Variants in FGF13 observed in about 807,000 individuals in gnomAD.
FGF13 encodes the protein fibroblast growth factor 13, also known as fibroblast growth factor homologous factor 2.
Under a neutral mutation model 19.5 loss-of-function variants are expected in FGF13, and 2 were observed. The ratio of observed to expected loss-of-function variants is 0.10; its 90% CI spans 0.04 to 0.32. The LOEUF (loss-of-function observed/expected upper bound fraction) is 0.32, where lower values mean the gene tolerates loss of function less well. Ranked by LOEUF, FGF13 falls within the 10% of genes least tolerant of loss-of-function variation. The pLI is 1.00. For synonymous variants in FGF13, 72 were observed against 76.9 expected (o/e 0.94, Z 0.33); for missense variants, 113 against 192.7 (o/e 0.59, Z 2.45).
chrX:138,872,502 C>A (rs980797516), intron 1 of FGF13, among the ~76,000 whole-genome samples: 5 of 112,067 alleles, frequency 4.5e-5, no homozygotes, highest in African/African-American at 1.6e-4. Flanking sequence ...ATTCTTGTTT[C>A]TGTCCTCTAG....
At chrX:138,988,687 T>C (rs1336194109) in intron 1 of FGF13, among the ~76,000 whole-genome samples, 1 of 111,896 alleles carries the variant, frequency 8.9e-6, no homozygotes, top group Non-Finnish European at 1.9e-5. Context: ...ACAAACATCA[T>C]TTACTACTTA....
intron 3 of FGF13, chrX:138,806,758 C>G (rs960367029): frequency 4.5e-5 from 5 of 110,822 alleles, no homozygotes; most frequent in African/African-American, 1.3e-4. Context: ...TGAAGTTCAT[C>G]AAATACCAGC....
chrX:138,824,038 G>T (rs768751368), intron 3 of FGF13, among the ~76,000 whole-genome samples: 1 of 112,050 alleles, frequency 8.9e-6, no homozygotes. Flanking sequence ...AAGTGAGAAG[G>T]AAGAAGCTAG....
At chrX:138,837,286 G>A (rs2091119695) in intron 3 of FGF13, among the ~76,000 whole-genome samples, 1 of 111,668 alleles carries the variant, frequency 9.0e-6, no homozygotes, top group African/African-American at 3.3e-5. Flanking sequence ...GTTTTCCTAA[G>A]AGCAAAGATG....
intron 3 of FGF13, among the ~76,000 whole-genome samples, chrX:138,817,493 A>T (rs1183718509): frequency 8.9e-6 from 1 of 112,302 alleles, no homozygotes; most frequent in Non-Finnish European, 1.9e-5. Context: ...ATAAATTGGC[A>T]GGCTAAACTT....
chrX:139,152,782 C>G (rs184169660), intron 1 of FGF13, among the ~76,000 whole-genome samples: 2 of 111,019 alleles, frequency 1.8e-5, no homozygotes, highest in African/African-American at 6.6e-5. Context: ...GTGTTTCTCT[C>G]TCTCTCACCG....
At chrX:139,164,461 G>A (rs1265046547) in intron 1 of FGF13, among the ~76,000 whole-genome samples, 1 of 110,950 alleles carries the variant, frequency 9.0e-6, no homozygotes, top group Non-Finnish European at 1.9e-5. Flanking sequence ...TAGAGCCCAG[G>A]CGGGTGGATC....
chrX:138,873,139 C>A (rs763629263), intron 1 of FGF13, among the ~76,000 whole-genome samples: 13 of 111,597 alleles, frequency 1.2e-4, no homozygotes, highest in African/African-American at 4.2e-4. Context: ...AGCCTAAATC[C>A]TCTACAAAAC....
chrX:138,917,501 T>C (rs1358498413), intron 1 of FGF13, among the ~76,000 whole-genome samples: 1 of 111,719 alleles, frequency 9.0e-6, no homozygotes, highest in Non-Finnish European at 1.9e-5. Flanking sequence ...TTTAATCCAC[T>C]CAGTCTGTGG....
At position 138,779,038 on chromosome X, in the gene FGF13, AC is replaced by A. The variant is rs1464099227; in HGVS notation, c.218-70111del. ...CCCCAGAGCAGCCTAACTGGGAGGC[AC>A]CCCCAGCAGGGGCACACTGACACCT... is the stretch of plus-strand genomic sequence containing the variant. On this transcript the variant is annotated intron_variant, in intron 3 of 6. Coordinates refer to the FGF13 transcript ENST00000436198. Among the ~76,000 whole-genome samples, 3 of 111,851 alleles carry A rather than the reference AC, an allele frequency of 2.7e-5. No individual in the cohort carries two copies. The South Asian group carries it at 1.1e-3, about 42-fold the overall frequency.
chrX:138,684,670 G>A (rs184170701), intron 3 of FGF13, among the ~76,000 whole-genome samples: 36 of 111,690 alleles, frequency 3.2e-4, no homozygotes, highest in African/African-American at 1.0e-3. Context: ...CACATTGTGC[G>A]TCAAGAACAC....
At chrX:139,153,639 T>C (rs2083953343) in intron 1 of FGF13, among the ~76,000 whole-genome samples, 1 of 111,757 alleles carries the variant, frequency 8.9e-6, no homozygotes, top group Admixed American at 9.5e-5. Context: ...AAAGCCACTG[T>C]TGTGAGTTAA....
intron 1 of FGF13, among the ~76,000 whole-genome samples, chrX:139,078,428 T>C (rs1346881994): frequency 9.0e-6 from 1 of 111,469 alleles, no homozygotes; most frequent in Non-Finnish European, 1.9e-5. Flanking sequence ...ATGATCTACA[T>C]GCTGTACTAA....
intron 1 of FGF13, among the ~76,000 whole-genome samples, chrX:138,997,968 T>A (rs5931542): frequency 9.1e-6 from 1 of 110,359 alleles, no homozygotes; most frequent in African/African-American, 3.3e-5. Flanking sequence ...GGAAGCCCAT[T>A]GGACTAACAG....
At chrX:139,004,269 G>A (rs986433027) in intron 1 of FGF13, among the ~76,000 whole-genome samples, 4 of 112,809 alleles carry the variant, frequency 3.5e-5, no homozygotes, top group Admixed American at 9.3e-5. Context: ...ACTGGCCCGG[G>A]TGATAAGTCC....
intron 1 of FGF13, among the ~76,000 whole-genome samples, chrX:138,865,432 T>TTCTC (rs1304504230): frequency 7.1e-5 from 7 of 99,044 alleles, no homozygotes; most frequent in Non-Finnish European, 1.2e-4. Flanking sequence ...CCTCTCTCTC[T>TTCTC]TCTCTCTCTC....
intron 3 of FGF13, among the ~76,000 whole-genome samples, chrX:138,691,766 A>G (rs943494813): frequency 9.8e-5 from 11 of 111,963 alleles, no homozygotes; most frequent in African/African-American, 3.6e-4. Flanking sequence ...CAAGAAATCA[A>G]TTGAGGTTTT....
chrX:138,663,189 A>G (rs769272009), intron 3 of FGF13, among the ~76,000 whole-genome samples: 15 of 111,715 alleles, frequency 1.3e-4, no homozygotes, highest in Non-Finnish European at 2.4e-4. Flanking sequence ...TACGCATCAC[A>G]GTATTCAGGG....
At chrX:138,774,880 A>G (rs1569390151) in intron 3 of FGF13, among the ~76,000 whole-genome samples, 1 of 112,517 alleles carries the variant, frequency 8.9e-6, no homozygotes, top group Non-Finnish European at 1.9e-5. Flanking sequence ...TTTTCATTAA[A>G]CTTAATAGAA....
Sources: gnomAD v4.1 joint callset for allele counts (sites outside exome capture counted in the v4.1 genomes callset) on GRCh38, gnomAD v4.1.1 for gene constraint, MANE v1.5 for transcripts, NCBI Gene and HGNC (gene_info 2026-07-23, HGNC 2026-07-21) for gene names.